Variants in CEP85 observed in about 807,000 individuals in gnomAD.
CEP85 encodes the protein centrosomal protein of 85 kDa.
A neutral mutation model predicts 93.7 loss-of-function variants in CEP85; 58 were observed. The ratio of observed to expected loss-of-function variants is 0.62; its 90% confidence interval spans 0.50 to 0.77. The LOEUF (loss-of-function observed/expected upper bound fraction) is 0.77. Ranked by LOEUF, CEP85 falls within the 30% of genes least tolerant of loss-of-function variation. CEP85 has a pLI of 0.00. For missense variants in CEP85, 868 were observed against 922.0 expected (o/e 0.94, Z 0.76); for synonymous variants, 314 against 338.6 (o/e 0.93, Z 0.80).
chr1:26,253,132 G>A (rs1274453197), intron 3 of CEP85, among the ~76,000 whole-genome samples: 3 of 152,056 alleles, frequency 2.0e-5, no homozygotes, highest in African/African-American at 4.8e-5. Context: ...TTATCTGTTC[G>A]TCTGTTGATT....
rs376750508 is a variant in CEP85, at chr1:26,268,643, C to T, written c.1494+8C>T. 31 of 1,603,974 alleles carry T rather than the reference C, an allele frequency of 1.9e-5. No individual in the cohort carries two copies. The African/African-American group carries it at 3.2e-4, about 17-fold the overall frequency. On this transcript the variant is annotated splice_region_variant and intron_variant, in intron 8 of 13. Coordinates refer to ENST00000451429, the MANE Select transcript of CEP85 (RefSeq NM_001319944.2). ...CAGAAGCAGAGCCAGCAGGTAGCAG[C>T]AATGTCTTGGCATGCCTGGGGTGAT...
At chr1:26,248,880 C>T (rs1388642358) in intron 3 of CEP85, among the ~76,000 whole-genome samples, 1 of 151,802 alleles carries the variant, frequency 6.6e-6, no homozygotes, top group African/African-American at 2.4e-5. Context: ...GCACCCGCCA[C>T]TACGCCCGGC....
intron 1 of CEP85, among the ~76,000 whole-genome samples, chr1:26,235,268 C>T (rs115373424): frequency 0.014 from 2,093 of 152,240 alleles, 49 homozygotes; most frequent in African/African-American, 0.048. Context: ...GGTGGTGATA[C>T]AAGGACGATG....
chr1:26,258,326 C>T, intron 6 of CEP85, 66 bp downstream of exon 6: 1 of 998,568 alleles, frequency 1.0e-6, no homozygotes, highest in Non-Finnish European at 1.6e-6. Flanking sequence ...ATGCTTGACA[C>T]CATTAGGTAT....
chr1:26,244,902 T>A (rs1470229490), intron 3 of CEP85, among the ~76,000 whole-genome samples: 1 of 152,202 alleles, frequency 6.6e-6, no homozygotes, highest in Admixed American at 6.5e-5. Context: ...AAGCCTAATT[T>A]CATAGTTTCC....
intron 13 of CEP85, 120 bp from the exon 14 acceptor site, chr1:26,277,016 C>A: frequency 8.9e-7 from 1 of 1,121,858 alleles, no homozygotes; most frequent in Non-Finnish European, 1.3e-6. Context: ...TCCCCAGATG[C>A]TTTTTTTAAA....
chr1:26,261,572 G>GT (rs926395499), intron 7 of CEP85, among the ~76,000 whole-genome samples: 2 of 151,888 alleles, frequency 1.3e-5, no homozygotes, highest in African/African-American at 4.8e-5. Context: ...AAAACTAGTA[G>GT]TTCTAAAAAC....
At chr1:26,253,594 T>C (rs2124579212) in intron 3 of CEP85, among the ~76,000 whole-genome samples, 1 of 151,884 alleles carries the variant, frequency 6.6e-6, no homozygotes. Context: ...TTTCACCGTG[T>C]TAGCCAGGAT....
intron 2 of CEP85, among the ~76,000 whole-genome samples, chr1:26,240,581 G>A (rs1481377424): frequency 6.6e-6 from 1 of 151,986 alleles, no homozygotes; most frequent in African/African-American, 2.4e-5. Flanking sequence ...AAAAAAATTG[G>A]TTGAATTCAC....
intron 7 of CEP85, among the ~76,000 whole-genome samples, chr1:26,262,451 C>G (rs2089825362): frequency 6.6e-6 from 1 of 151,710 alleles, no homozygotes; most frequent in Admixed American, 6.6e-5. Flanking sequence ...GCTCTCTAAT[C>G]TGGGCAACAG....
intron 3 of CEP85, among the ~76,000 whole-genome samples, chr1:26,248,391 CTT>C (rs1179491175): frequency 2.0e-5 from 3 of 152,072 alleles, no homozygotes; most frequent in East Asian, 3.8e-4. Flanking sequence ...GTGTGACTCT[CTT>C]TTTTATTCTT....
At chr1:26,271,797 A>C in intron 10 of CEP85, 1 of 564,332 alleles carries the variant, frequency 1.8e-6, no homozygotes, top group South Asian at 2.3e-5. Flanking sequence ...TGTTCACACT[A>C]CATTCCTGTA....
Position 26,271,097 on chromosome 1 carries a change from C to G in CEP85, c.1733C>G (p.Ser578Trp). 6.2e-7 allele frequency: 1 copy of G among 1,609,038 alleles called. No individual in the cohort carries two copies. The highest frequency in any genetic ancestry group is 8.5e-7 in the Non-Finnish European group (1 of 1,175,486). ...EMESWQKRYD[S>W]LQKIVEKQQQ... ...GAGTCCTGGCAGAAGCGATACGATT[C>G]GCTCCAAAAGGTGACTGAGGGTGTC... Residue 578 changes from serine (S) to tryptophan (W), a missense_variant, in exon 10 of 14, where the codon TCG becomes TGG. Ser to Trp is a radical substitution (Grantham distance 177, BLOSUM62 -3). Transcript: ENST00000451429.
At chr1:26,241,244 ATTTT>A (rs71004567) in intron 2 of CEP85, among the ~76,000 whole-genome samples, 5 of 109,286 alleles carry the variant, frequency 4.6e-5, no homozygotes, top group Non-Finnish European at 7.2e-5. Flanking sequence ...ATTCAGCAGA[ATTTT>A]TTTTTTTTTT....
intron 7 of CEP85, 29 bp from the exon 8 acceptor site, chr1:26,268,454 G>A: frequency 6.2e-7 from 1 of 1,613,592 alleles, no homozygotes; most frequent in South Asian, 1.1e-5. Context: ...AGTGAATGGT[G>A]GAGACAGACT....
chr1:26,247,546 A>T (rs1418144228), intron 3 of CEP85, among the ~76,000 whole-genome samples: 2 of 152,108 alleles, frequency 1.3e-5, no homozygotes, highest in African/African-American at 4.8e-5. Context: ...CAGTCTGGGC[A>T]ACATAGTGAG....
chr1:26,270,894 A>G (rs192569952), intron 9 of CEP85, 120 bp from the exon 10 acceptor site: 2 of 645,686 alleles, frequency 3.1e-6, no homozygotes, highest in Admixed American at 5.1e-5. Flanking sequence ...CCCAAGTATT[A>G]TCCCCAGCTA....
At position 26,271,045 on chromosome 1, in the gene CEP85, A is replaced by G. The variant is rs1430771733; in HGVS notation, c.1681A>G (p.Ser561Gly). The G allele has an allele frequency of 5.0e-6, 8 of 1,613,404 alleles. No individual in the cohort carries two copies. Among genetic ancestry groups the G allele is most frequent in the Non-Finnish European group, 6.8e-6 (8 of 1,179,430 alleles). The change falls in exon 10 of 14, where the codon AGT (serine) becomes GGT (glycine). Residue 561 changes from serine to glycine, a missense_variant. Transcript: ENST00000451429. ...AGATAAACAGTCTGTGGAGGAGACC[A>G]GTGGAGAAGGTCCAGAAGTGGAAAT... is the stretch of plus-strand genomic sequence containing the variant. Reference protein sequence around the residue: ...LQDKQSVEETSGEGPEVEMES... With the variant: ...LQDKQSVEETGGEGPEVEMES...
At position 26,257,740 on chromosome 1, in the gene CEP85, C is replaced by T. The variant is rs2089730673; in HGVS notation, c.1037+10C>T. 6.8e-6 allele frequency: 11 copies of T among 1,613,800 alleles called. No individual in the cohort carries two copies. Among genetic ancestry groups the T allele is most frequent in the Non-Finnish European group, 9.3e-6 (11 of 1,179,840 alleles). On this transcript the variant is annotated intron_variant, in intron 5 of 13. Transcript: ENST00000451429. Reference sequence around the variant, plus strand: ...AGCTTCTCATTGACAAGTAAGAGGGCAAGGGGTACCACAGAGCCAGACTAC... The same window carrying T: ...AGCTTCTCATTGACAAGTAAGAGGGTAAGGGGTACCACAGAGCCAGACTAC...
Sources: gnomAD v4.1 joint callset for allele counts (sites outside exome capture counted in the v4.1 genomes callset) on GRCh38, gnomAD v4.1.1 for gene constraint, MANE v1.5 for transcripts, NCBI Gene and HGNC (gene_info 2026-07-23, HGNC 2026-07-21) for gene names.